The following NCAM2 variants were observed in gnomAD, a reference collection of about 807,000 sequenced individuals.
NCAM2 encodes the protein neural cell adhesion molecule 2.
A neutral mutation model predicts 98.1 loss-of-function variants in NCAM2; 30 were observed. The observed-to-expected ratio is 0.31, with a 90% CI of 0.23 to 0.41. NCAM2 has a LOEUF of 0.41. NCAM2 is among the 10% of genes least tolerant of loss of function. The pLI, the probability that NCAM2 is intolerant of heterozygous loss-of-function variation, is 1.00. For synonymous variants in NCAM2, 368 were observed against 342.4 expected, an observed-to-expected ratio of 1.07 and a Z score of -0.83; for missense variants, 867 against 1,005.8, an observed-to-expected ratio of 0.86 and a Z score of 1.87.
chr21:21,503,234 T>G (rs1322481657), intron 15 of NCAM2, among the ~76,000 whole-genome samples: 1 of 151,984 alleles, frequency 6.6e-6, no homozygotes, highest in Non-Finnish European at 1.5e-5. Context: ...AACTTTAATT[T>G]ACAAGTTAGG....
intron 1 of NCAM2, among the ~76,000 whole-genome samples, chr21:21,092,830 ATC>A (rs1421652936): frequency 6.6e-6 from 1 of 151,906 alleles, no homozygotes; most frequent in East Asian, 1.9e-4. Flanking sequence ...ATGTATTTAT[ATC>A]TCTTTTATAA....
intron 1 of NCAM2, among the ~76,000 whole-genome samples, chr21:21,262,894 C>T (rs1350018540): frequency 1.3e-5 from 2 of 152,016 alleles, no homozygotes; most frequent in Non-Finnish European, 2.9e-5. Flanking sequence ...AGAGAAACTC[C>T]CCTTTTTAAA....
intron 9 of NCAM2, among the ~76,000 whole-genome samples, chr21:21,376,229 T>C (rs912109012): frequency 1.3e-5 from 2 of 151,952 alleles, no homozygotes; most frequent in East Asian, 1.9e-4. Context: ...TTCTGAATTA[T>C]TGTCCATGCA....
intron 1 of NCAM2, among the ~76,000 whole-genome samples, chr21:21,008,389 T>G (rs760344436): frequency 9.2e-5 from 14 of 152,320 alleles, no homozygotes; most frequent in Non-Finnish European, 1.8e-4. Context: ...TGAATGTATA[T>G]ACGATATGTT....
Position 21,533,166 on chromosome 21 carries a change from C to CTTTTTTTTTTTTTTTTT in NCAM2, c.2283-1358_2283-1357insTTTTTTTTTTTTTTTTT, listed in dbSNP as rs201532023. On this transcript the variant is annotated intron_variant, in intron 16 of 17. Coordinates refer to ENST00000400546, the MANE Select transcript of NCAM2 (RefSeq NM_004540.5). Reference sequence around the variant, plus strand: ...CCATTGTAGATTTGTTGTTTGCTTGCTTTTTTTTTTTTTGGTAATCCTAGT... The same window carrying CTTTTTTTTTTTTTTTTT: ...CCATTGTAGATTTGTTGTTTGCTTGCTTTTTTTTTTTTTTTTTTTTTTTTTTTTTTGGTAATCCTAGT... Among the ~76,000 whole-genome samples, 259 of 93,688 alleles carry CTTTTTTTTTTTTTTTTT rather than the reference C, an allele frequency of 2.8e-3. 12 individuals carry two copies. Among genetic ancestry groups the CTTTTTTTTTTTTTTTTT allele is most frequent in the Non-Finnish European group, 4.1e-3 (197 of 48,164 alleles). 61.5% of individuals were successfully genotyped at this position (93,688 alleles called of 152,430 possible).
chr21:21,469,630 A>G (rs1460550916), intron 14 of NCAM2, among the ~76,000 whole-genome samples: 1 of 151,966 alleles, frequency 6.6e-6, no homozygotes, highest in Non-Finnish European at 1.5e-5. Context: ...ATTACTCCAT[A>G]GTAGTGTGTG....
At chr21:21,284,138 T>G in intron 2 of NCAM2, 56 bp from the exon 3 acceptor site, 7 of 1,402,004 alleles carry the variant, frequency 5.0e-6, no homozygotes, top group Non-Finnish European at 7.0e-6. Flanking sequence ...AATGCCAATG[T>G]TCAAACAAAT....
At chr21:21,085,546 G>A (rs930989039) in intron 1 of NCAM2, among the ~76,000 whole-genome samples, 2 of 152,012 alleles carry the variant, frequency 1.3e-5, no homozygotes, top group African/African-American at 4.8e-5. Flanking sequence ...TTCAATCTCT[G>A]GATGGGCTTC....
At chr21:21,123,568 G>C (rs2066722800) in intron 1 of NCAM2, among the ~76,000 whole-genome samples, 1 of 152,060 alleles carries the variant, frequency 6.6e-6, no homozygotes, top group African/African-American at 2.4e-5. Context: ...AGATCAACCT[G>C]CAATGTTGTA....
chr21:21,537,792 G>A, intron 17 of NCAM2, 54 bp from the exon 18 acceptor site: 1 of 862,752 alleles, frequency 1.2e-6, no homozygotes, highest in South Asian at 1.7e-5. Context: ...AAAGGTTAAG[G>A]TACGTCTCCT....
intron 1 of NCAM2, among the ~76,000 whole-genome samples, chr21:21,166,518 C>T (rs1213671493): frequency 6.6e-6 from 1 of 152,024 alleles, no homozygotes; most frequent in African/African-American, 2.4e-5. Context: ...GTCATCAAGA[C>T]TTATACAATG....
At chr21:21,458,157 C>T (rs1243901148) in intron 12 of NCAM2, among the ~76,000 whole-genome samples, 3 of 152,216 alleles carry the variant, frequency 2.0e-5, no homozygotes, top group Non-Finnish European at 4.4e-5. Context: ...GTGGGCTCTG[C>T]TCCTGTTACG....
Position 21,103,855 on chromosome 21 carries a change from T to TA in NCAM2, c.55+105238dup, listed in dbSNP as rs201629524. Among the ~76,000 whole-genome samples, 588 of 152,250 alleles carry TA rather than the reference T, an allele frequency of 3.9e-3. 4 individuals are homozygous for TA. The highest frequency in any genetic ancestry group is 0.038 in the East Asian group (195 of 5,180). ...GTGTTAATGACTTATTTATTATCGA[T>TA]ACATCTTGATGAGAAACATGCAGAG... On this transcript the variant is annotated intron_variant, in intron 1 of 17. Transcript: ENST00000400546.
chr21:21,115,957 TTGTGTG>T (rs58824475), intron 1 of NCAM2, among the ~76,000 whole-genome samples: 201 of 147,232 alleles, frequency 1.4e-3, no homozygotes, highest in African/African-American at 2.7e-3. Context: ...CTCTGAGATT[TTGTGTG>T]TGTGTGTGTG....
At chr21:21,041,234 G>C (rs2064898191) in intron 1 of NCAM2, among the ~76,000 whole-genome samples, 2 of 151,998 alleles carry the variant, frequency 1.3e-5, no homozygotes, top group South Asian at 4.2e-4. Context: ...TCATTTCTCT[G>C]TAAGAATATT....
chr21:21,189,224 A>T (rs1015625031), intron 1 of NCAM2, among the ~76,000 whole-genome samples: 4 of 152,160 alleles, frequency 2.6e-5, no homozygotes, highest in Non-Finnish European at 4.4e-5. Flanking sequence ...TCTATTTTTA[A>T]TGTTTTGTTC....
At chr21:21,187,419 C>A (rs1324245130) in intron 1 of NCAM2, among the ~76,000 whole-genome samples, 1 of 151,902 alleles carries the variant, frequency 6.6e-6, no homozygotes, top group African/African-American at 2.4e-5. Flanking sequence ...TAGCCTCCAA[C>A]CTCCATATTG....
chr21:21,148,999 A>G (rs564799045), intron 1 of NCAM2, among the ~76,000 whole-genome samples: 2 of 152,154 alleles, frequency 1.3e-5, no homozygotes. Context: ...TTTAATGATT[A>G]TAGGACCTTA....
At chr21:21,391,004 A>G (rs2076368610) in intron 9 of NCAM2, among the ~76,000 whole-genome samples, 1 of 152,204 alleles carries the variant, frequency 6.6e-6, no homozygotes, top group Admixed American at 6.6e-5. Context: ...TTATTCAAGA[A>G]GAAAATGGTA....
Sources: allele counts gnomAD v4.1 joint callset (sites outside exome capture counted in the v4.1 genomes callset), GRCh38; gene constraint gnomAD v4.1.1; transcripts MANE v1.5; gene names NCBI Gene and HGNC (gene_info 2026-07-23, HGNC 2026-07-21).